The following OR51E2 variants were observed in gnomAD, a reference collection of about 807,000 sequenced individuals.
OR51E2 encodes olfactory receptor 51E2.
Under a neutral mutation model 13.7 loss-of-function variants are expected in OR51E2, and 14 were observed. That is an observed-to-expected ratio of 1.02 (90% CI 0.68 to 1.60). The LOEUF is 1.60. OR51E2 is among the 40% of genes most tolerant of loss of function. The pLI, the probability that OR51E2 is intolerant of heterozygous loss-of-function variation, is 0.00. For synonymous variants in OR51E2, 180 were observed against 157.6 expected, an observed-to-expected ratio of 1.14 and a Z score of -1.07; for missense variants, 483 against 413.8, an observed-to-expected ratio of 1.17 and a Z score of -1.45.
intron 1 of OR51E2, among the ~76,000 whole-genome samples, chr11:4,683,140 C>G (rs929212629): frequency 6.6e-6 from 1 of 152,158 alleles, no homozygotes; most frequent in Admixed American, 6.5e-5. Context: ...TCCCTCCCCC[C>G]ACTTTCTTTC....
chr11:4,688,176 G>C (rs745594281), intron 1 of OR51E2, among the ~76,000 whole-genome samples: 1 of 152,140 alleles, frequency 6.6e-6, no homozygotes, highest in South Asian at 2.1e-4. Flanking sequence ...ATATACTGGG[G>C]TATAAAAATG....
At position 4,682,376 on chromosome 11, in the gene OR51E2, G is replaced by A. The variant is rs1457963636; in HGVS notation, c.336C>T (p.Thr112=). 1.2e-6 allele frequency: 2 copies of A among 1,614,072 alleles called. No homozygotes were observed. The highest frequency in any genetic ancestry group is 1.7e-6 in the Non-Finnish European group (2 of 1,180,036). Residue 112 remains threonine, a synonymous_variant, in exon 2 of 2, where the codon ACC becomes ACT. Transcript: ENST00000396950. ...GGTCAAAGGCCATGGCCAGCAGGAT[G>A]GTGGATTCAATGGCTGAGAGGGCAT... ...FIHALSAIES[T]ILLAMAFDRY...
Position 4,681,445 on chromosome 11 carries a change from A to G in OR51E2, c.*304T>C. Reference sequence around the variant, plus strand: ...GTAGGGACAACACTAAATCATTAGTAATTTGAGCACATTTCCTCCAAGGCA... The same window carrying G: ...GTAGGGACAACACTAAATCATTAGTGATTTGAGCACATTTCCTCCAAGGCA... On this transcript the variant is annotated 3_prime_UTR_variant, in exon 2 of 2. Transcript: ENST00000396950. 1 of 334,732 alleles carries G rather than the reference A, an allele frequency of 3.0e-6. No individual in the cohort carries two copies. Among genetic ancestry groups the G allele is most frequent in the Non-Finnish European group, 5.4e-6 (1 of 183,488 alleles). The allele number at this position is 334,732 out of a possible 1,614,324, so 20.7% of individuals were successfully genotyped here.
At chr11:4,687,962 T>C (rs1406956790) in intron 1 of OR51E2, among the ~76,000 whole-genome samples, 1 of 152,170 alleles carries the variant, frequency 6.6e-6, no homozygotes, top group Non-Finnish European at 1.5e-5. Flanking sequence ...AGGTTGTTTG[T>C]TGTCTCTGGG....
intron 1 of OR51E2, among the ~76,000 whole-genome samples, chr11:4,684,565 A>G (rs1847494482): frequency 6.6e-6 from 1 of 152,156 alleles, no homozygotes; most frequent in Non-Finnish European, 1.5e-5. Context: ...ACAGGGACGT[A>G]TATTTACTTT....
intron 1 of OR51E2, among the ~76,000 whole-genome samples, chr11:4,684,554 C>G (rs1008088170): frequency 6.6e-6 from 1 of 152,162 alleles, no homozygotes; most frequent in Non-Finnish European, 1.5e-5. Flanking sequence ...GCAAGGGGAA[C>G]ACAGGGACGT....
At chr11:4,696,366 CAT>C (rs1205501889) in intron 1 of OR51E2, among the ~76,000 whole-genome samples, 8 of 152,136 alleles carry the variant, frequency 5.3e-5, no homozygotes, top group African/African-American at 1.2e-4. Flanking sequence ...CACACACACA[CAT>C]GTGTGCACAC....
chr11:4,696,043 T>C (rs1847652179), intron 1 of OR51E2, among the ~76,000 whole-genome samples: 1 of 152,146 alleles, frequency 6.6e-6, no homozygotes, highest in African/African-American at 2.4e-5. Context: ...AAGTTTCTGG[T>C]TTTAAGCGTA....
Position 4,681,227 on chromosome 11 carries a change from C to T in OR51E2, c.*522G>A, listed in dbSNP as rs1194995678. 6.3e-6 allele frequency: 1 copy of T among 158,786 alleles called. No individual in the cohort carries two copies. The highest frequency in any genetic ancestry group is 1.4e-5 in the Non-Finnish European group (1 of 72,132). 9.8% of individuals were successfully genotyped at this position (158,786 alleles called of 1,614,324 possible). On this transcript the variant is annotated 3_prime_UTR_variant, in exon 2 of 2. Transcript: ENST00000396950. ...ATTAGCCAGTCATGGTGGCACGTTC[C>T]TCTAGTCCCAGCTACTCGGGAGGCT...
intron 1 of OR51E2, among the ~76,000 whole-genome samples, chr11:4,686,828 T>C (rs1847520023): frequency 6.6e-6 from 1 of 151,988 alleles, no homozygotes; most frequent in Non-Finnish European, 1.5e-5. Flanking sequence ...ATGACATTTG[T>C]TCTGCAACCC....
chr11:4,692,314 C>G, intron 1 of OR51E2: 1 of 297,852 alleles, frequency 3.4e-6, no homozygotes, highest in Non-Finnish European at 6.8e-6. Context: ...ATATGATACC[C>G]GGCATCATAT....
rs1564884992 is a variant in OR51E2, at chr11:4,682,072, A to G, written c.640T>C (p.Ser214Pro). 6.8e-6 allele frequency: 11 copies of G among 1,614,216 alleles called. No individual in the cohort carries two copies. Among genetic ancestry groups the G allele is most frequent in the Non-Finnish European group, 9.3e-6 (11 of 1,180,044 alleles). Reference sequence around the variant, plus strand: ...CGTATTATCAGAAAATAGGACAAGGAGATGAACATTACGTCCACGCCCATG... The same window carrying G: ...CGTATTATCAGAAAATAGGACAAGGGGATGAACATTACGTCCACGCCCATG... ...LVMGVDVMFI[S>P]LSYFLIIRTV... Residue 214 changes from serine to proline, a missense_variant, in exon 2 of 2, where the codon TCC (serine) becomes CCC (proline). Physicochemically the swap from Ser to Pro is moderately conservative, Grantham distance 74 (BLOSUM62 -1). Transcript: ENST00000396950.
At chr11:4,692,724 A>G (rs1445408539) in intron 1 of OR51E2, among the ~76,000 whole-genome samples, 2 of 152,094 alleles carry the variant, frequency 1.3e-5, no homozygotes, top group Admixed American at 1.3e-4. Flanking sequence ...AGAGGAAAAG[A>G]AAGGGTGCTG....
chr11:4,696,356 C>CAA (rs2133254717), intron 1 of OR51E2, among the ~76,000 whole-genome samples: 1 of 151,832 alleles, frequency 6.6e-6, no homozygotes, highest in South Asian at 2.1e-4. Flanking sequence ...CTACCCACCA[C>CAA]ACACACACAC....
rs1847532094 is a variant in OR51E2, at chr11:4,687,746, G to C, written c.-50-4985C>G. ...TTGTGGGGAGAATGGTGACAAGAGAGTTTGGAAAGAGTTGTCTTGAGAGAG... is the reference window on the plus strand; with the variant it reads ...TTGTGGGGAGAATGGTGACAAGAGACTTTGGAAAGAGTTGTCTTGAGAGAG... On this transcript the variant is annotated intron_variant, in intron 1 of 1. Transcript: ENST00000396950. 2.0e-5 allele frequency among the ~76,000 whole-genome samples: 3 copies of C among 152,144 alleles called. 1 individual carries two copies. In the South Asian group the frequency reaches 6.2e-4, roughly 32 times the overall value.
At chr11:4,695,099 C>T (rs937217257) in intron 1 of OR51E2, among the ~76,000 whole-genome samples, 1 of 152,076 alleles carries the variant, frequency 6.6e-6, no homozygotes, top group Non-Finnish European at 1.5e-5. Flanking sequence ...AGAGAAAGCA[C>T]CAGAGGTCAA....
At chr11:4,695,148 C>T (rs902872884) in intron 1 of OR51E2, among the ~76,000 whole-genome samples, 5 of 152,154 alleles carry the variant, frequency 3.3e-5, no homozygotes, top group Admixed American at 1.3e-4. Context: ...GTGTAATGAA[C>T]TTAAATTTTT....
rs1589871677 is a variant in OR51E2 at position 4,682,553 on chromosome 11, G to A, written c.159C>T (p.Ser53=). ...IVVFIVRTER[S]LHAPMYLFLC... ...GAAAGAGGTACATCGGAGCGTGCAG[G>A]CTGCGTTCCGTCCTTACGATGAAGA... The change falls in exon 2 of 2, where the codon AGC becomes AGT. Residue 53 remains serine (S), a synonymous_variant. Coordinates refer to ENST00000396950, the MANE Select transcript of OR51E2 (RefSeq NM_030774.4). 1.2e-6 allele frequency: 2 copies of A among 1,614,054 alleles called. No homozygotes were observed. The highest frequency in any genetic ancestry group is 8.5e-7 in the Non-Finnish European group (1 of 1,179,958).
At chr11:4,687,408 G>A (rs1847528945) in intron 1 of OR51E2, among the ~76,000 whole-genome samples, 2 of 152,166 alleles carry the variant, frequency 1.3e-5, no homozygotes, top group Non-Finnish European at 2.9e-5. Flanking sequence ...AGCTTCACAA[G>A]ATTAGGATCA....
Sources: gnomAD v4.1 joint callset for allele counts (sites outside exome capture counted in the v4.1 genomes callset) on GRCh38, gnomAD v4.1.1 for gene constraint, MANE v1.5 for transcripts, NCBI Gene and HGNC (gene_info 2026-07-23, HGNC 2026-07-21) for gene names.